Variants in ANKRD36 observed in about 807,000 individuals in gnomAD.
ANKRD36 encodes the protein ankyrin repeat domain-containing protein 36A.
A neutral mutation model predicts 278.1 loss-of-function variants in ANKRD36; 179 were observed. The observed-to-expected ratio is 0.64, with a 90% CI of 0.57 to 0.73. ANKRD36 has a LOEUF of 0.73. Among genes scored for constraint, ANKRD36 ranks in the 30% least tolerant of loss-of-function variants. The pLI, the probability that ANKRD36 is intolerant of heterozygous loss-of-function variation, is 0.00. For synonymous variants in ANKRD36, 320 were observed against 641.1 expected (o/e 0.50, Z 7.57); for missense variants, 1,159 against 1,956.7 (o/e 0.59, Z 7.69).
At chr2:97,209,463 T>C (rs1307291848) in intron 54 of ANKRD36, among the ~76,000 whole-genome samples, 1 of 146,370 alleles carries the variant, frequency 6.8e-6, no homozygotes, top group Non-Finnish European at 1.5e-5. Flanking sequence ...TGACAAATCA[T>C]ATAATGTTTG....
intron 20 of ANKRD36, among the ~76,000 whole-genome samples, chr2:97,165,305 CTTTGATTTGTTTTATGACTGCACCACATA>C (rs1380829197): frequency 2.6e-5 from 4 of 151,974 alleles, no homozygotes; most frequent in Non-Finnish European, 4.4e-5. Context: ...GTTTGGTCAT[CTTTGATTTGTTTTATGACTGCACCACATA>C]TTTGATTTGT....
intron 6 of ANKRD36, among the ~76,000 whole-genome samples, chr2:97,128,049 T>C (rs867818419): frequency 6.6e-6 from 1 of 151,930 alleles, no homozygotes; most frequent in African/African-American, 2.4e-5. Flanking sequence ...GGATCATTCA[T>C]AGGTTTCCGG....
chr2:97,207,656 C>T (rs6718582), intron 52 of ANKRD36, among the ~76,000 whole-genome samples, 155 bp from the exon 53 acceptor site: 85,517 of 151,316 alleles, frequency 0.57, 29,292 homozygotes, highest in Non-Finnish European at 0.78. Flanking sequence ...CAGCGTATTT[C>T]TGTCATGTTC....
chr2:97,167,364 A>C (rs2153508189), intron 20 of ANKRD36, among the ~76,000 whole-genome samples: 1 of 152,160 alleles, frequency 6.6e-6, no homozygotes, highest in East Asian at 1.9e-4. Flanking sequence ...AGGGTACACC[A>C]TAGTATTCTA....
intron 3 of ANKRD36, among the ~76,000 whole-genome samples, chr2:97,121,683 G>A (rs2036901090): frequency 6.6e-6 from 1 of 151,868 alleles, no homozygotes. Flanking sequence ...ATAATTTAGT[G>A]GCTTTCATTA....
chr2:97,227,992 G>C (rs558283983), intron 67 of ANKRD36, among the ~76,000 whole-genome samples: 38 of 152,222 alleles, frequency 2.5e-4, no homozygotes, highest in African/African-American at 9.1e-4. Context: ...AAGCCCACTT[G>C]ATCATGGTGG....
At chr2:97,139,221 G>A (rs1038237324) in intron 6 of ANKRD36, among the ~76,000 whole-genome samples, 3 of 151,874 alleles carry the variant, frequency 2.0e-5, no homozygotes, top group African/African-American at 7.3e-5. Context: ...CAGTCATTCT[G>A]AGCTGTTATG....
At position 97,159,931 on chromosome 2, in the gene ANKRD36, G is replaced by A. The variant is rs1426016186; in HGVS notation, c.1389+1276G>A. On this transcript the variant is annotated intron_variant, in intron 17 of 75. Transcript: ENST00000420699. ...CGAGTAGCTGGGACTATAGGCGCCC[G>A]CCATCACGCCCGGCTAATTTTTTTA... Among the ~76,000 whole-genome samples the A allele has an allele frequency of 2.6e-5, 4 of 152,104 alleles. No homozygotes were observed. In the South Asian group the frequency reaches 8.3e-4, roughly 32 times the overall value.
At chr2:97,241,024 A>C (rs2074289419) in intron 68 of ANKRD36, among the ~76,000 whole-genome samples, 1 of 49,238 alleles carries the variant, frequency 2.0e-5, no homozygotes, top group East Asian at 7.7e-4. Context: ...TTTTTACAGG[A>C]CCTATCTGAG....
intron 75 of ANKRD36, among the ~76,000 whole-genome samples, chr2:97,259,203 G>GT (rs1319615857): frequency 2.6e-4 from 28 of 106,458 alleles, no homozygotes; most frequent in African/African-American, 3.4e-4. Context: ...ATTTCTATTT[G>GT]TTTTTTTGTT....
At chr2:97,209,023 C>G (rs1397533923) in intron 54 of ANKRD36, among the ~76,000 whole-genome samples, 2 of 146,374 alleles carry the variant, frequency 1.4e-5, no homozygotes, top group Non-Finnish European at 3.0e-5. Context: ...CCTTTGGTGC[C>G]AAGAGTGGAT....
intron 6 of ANKRD36, among the ~76,000 whole-genome samples, chr2:97,132,274 G>A (rs1402222666): frequency 6.6e-6 from 1 of 151,724 alleles, no homozygotes; most frequent in Non-Finnish European, 1.5e-5. Context: ...GGGACTACAG[G>A]TGTGTGTCAT....
In ANKRD36 at chr2:97,207,839, G is replaced by A. The variant is rs1299756201; in HGVS notation, c.3192G>A (p.Lys1064=). The part of the protein sequence containing the change: ...TVSSEKPSGL[K]ATSAEKDSVL... ...CTTCTGAGAAACCATCAGGCTTGAA[G>A]GTAATGAAACTGTCATTTATATTGT... is the stretch of plus-strand genomic sequence containing the variant. The change falls in exon 53 of 76, where the codon AAG becomes AAA. Residue 1064 remains lysine, a splice_region_variant and synonymous_variant. Transcript: ENST00000420699. 3.9e-6 allele frequency: 6 copies of A among 1,546,374 alleles called. No individual in the cohort carries two copies. The highest frequency in any genetic ancestry group is 1.4e-5 in the African/African-American group (1 of 72,696).
In ANKRD36 at chr2:97,154,995, A is replaced by T. The variant is rs551822218; in HGVS notation, c.1260+254A>T. Reference sequence around the variant, plus strand: ...AAAAAAAAATTGCTGGAAAATACATAGTGACAGGAAAATATGGTTTTGGAA... The same window carrying T: ...AAAAAAAAATTGCTGGAAAATACATTGTGACAGGAAAATATGGTTTTGGAA... On this transcript the variant is annotated intron_variant, in intron 15 of 75. Transcript: ENST00000420699. Among the ~76,000 whole-genome samples, 5 of 144,218 alleles carry T rather than the reference A, an allele frequency of 3.5e-5. No individual in the cohort carries two copies. The East Asian group carries it at 9.9e-4, about 29-fold the overall frequency. The allele number at this position is 144,218 out of a possible 152,430, so 94.6% of individuals were successfully genotyped here.
At chr2:97,206,497 A>G (rs2062883964) in intron 52 of ANKRD36, among the ~76,000 whole-genome samples, 1 of 151,488 alleles carries the variant, frequency 6.6e-6, no homozygotes, top group Non-Finnish European at 1.5e-5. Context: ...TCATACTGCT[A>G]AAAACAGACA....
intron 4 of ANKRD36, 31 bp from the exon 5 acceptor site, chr2:97,124,429 A>C: frequency 6.5e-7 from 1 of 1,535,562 alleles, no homozygotes; most frequent in Non-Finnish European, 8.8e-7. Context: ...AAATGTCATT[A>C]AAGTTTTTAA....
At chr2:97,150,561 ATGTCT>A (rs1316195153) in intron 12 of ANKRD36, among the ~76,000 whole-genome samples, 2 of 152,184 alleles carry the variant, frequency 1.3e-5, no homozygotes, top group African/African-American at 4.8e-5. Context: ...AATCTATTAA[ATGTCT>A]TGAATGTTTT....
chr2:97,113,440 C>G lies in ANKRD36; in HGVS notation c.-300C>G, dbSNP rs1364200820. On this transcript the variant is annotated 5_prime_UTR_variant, in exon 1 of 76. Coordinates refer to ENST00000420699, the MANE Select transcript of ANKRD36 (RefSeq NM_001354587.1). ...AGGCCCTGGGGCAGGGCGCGCCTCG[C>G]GCTCCAGGGAGCCCCGCCCTCCCGC... The G allele has an allele frequency of 1.6e-5, 7 of 451,238 alleles. No homozygotes were observed. The highest frequency in any genetic ancestry group is 2.7e-5 in the Non-Finnish European group (7 of 254,998). 28.0% of individuals were successfully genotyped at this position (451,238 alleles called of 1,614,324 possible).
At chr2:97,216,954 A>G (rs2066093606) in intron 62 of ANKRD36, 1 of 1,124,000 alleles carries the variant, frequency 8.9e-7, no homozygotes. Context: ...ACATATGACA[A>G]ATCATACCAT....
Sources: gnomAD v4.1 joint callset for allele counts (sites outside exome capture counted in the v4.1 genomes callset) on GRCh38, gnomAD v4.1.1 for gene constraint, MANE v1.5 for transcripts, NCBI Gene and HGNC (gene_info 2026-07-23, HGNC 2026-07-21) for gene names.